Variants in NRG3 observed in about 807,000 individuals in gnomAD.
NRG3 encodes neuregulin 3.
Under a neutral mutation model 66.9 loss-of-function variants are expected in NRG3, and 31 were observed. The observed-to-expected ratio is 0.46, with a 90% CI of 0.35 to 0.63. NRG3 has a LOEUF of 0.63. Among genes scored for constraint, NRG3 ranks in the 20% least tolerant of loss-of-function variants. The pLI, the probability that NRG3 is intolerant of heterozygous loss-of-function variation, is 0.00. For missense variants in NRG3, 910 were observed against 878.9 expected, an observed-to-expected ratio of 1.04 and a Z score of -0.45; for synonymous variants, 393 against 359.4, an observed-to-expected ratio of 1.09 and a Z score of -1.06.
chr10:82,243,632 G>A (rs1431358050), intron 1 of NRG3, among the ~76,000 whole-genome samples: 1 of 152,082 alleles, frequency 6.6e-6, no homozygotes, highest in East Asian at 1.9e-4. Context: ...TATTCTGAAG[G>A]AAAATAACTA....
chr10:82,057,080 G>A (rs1362739736), intron 1 of NRG3, among the ~76,000 whole-genome samples: 1 of 151,838 alleles, frequency 6.6e-6, no homozygotes, highest in Non-Finnish European at 1.5e-5. Flanking sequence ...ACTGCTTGTT[G>A]GATCTTTCCA....
intron 1 of NRG3, among the ~76,000 whole-genome samples, chr10:81,908,400 C>T (rs1844798923): frequency 6.6e-6 from 1 of 152,086 alleles, no homozygotes; most frequent in Admixed American, 6.6e-5. Flanking sequence ...AATGTCTATA[C>T]CTTTCATATA....
At chr10:82,315,847 G>A (rs1410223556) in intron 1 of NRG3, among the ~76,000 whole-genome samples, 7 of 151,926 alleles carry the variant, frequency 4.6e-5, no homozygotes, top group East Asian at 1.9e-4. Flanking sequence ...TATATTTTTA[G>A]TAGAGACAGG....
chr10:82,259,966 A>T (rs2077937533), intron 1 of NRG3, among the ~76,000 whole-genome samples: 1 of 152,118 alleles, frequency 6.6e-6, no homozygotes, highest in African/African-American at 2.4e-5. Flanking sequence ...ATAAACAAAT[A>T]AATAAATAGA....
At chr10:82,584,748 T>C (rs659613) in intron 2 of NRG3, among the ~76,000 whole-genome samples, 13,504 of 152,238 alleles carry the variant, frequency 0.089, 656 homozygotes, top group East Asian at 0.15. Context: ...AAAATGAGAA[T>C]GCAGATATAA....
intron 2 of NRG3, among the ~76,000 whole-genome samples, chr10:82,609,587 T>TA (rs2048179096): frequency 6.8e-6 from 1 of 146,826 alleles, no homozygotes. Context: ...GATTATATTT[T>TA]CCAAAAAAAA....
intron 1 of NRG3, among the ~76,000 whole-genome samples, chr10:81,961,612 C>A (rs543385154): frequency 3.9e-5 from 6 of 152,212 alleles, no homozygotes; most frequent in Non-Finnish European, 7.3e-5. Context: ...TAACACTTTT[C>A]CCATCCTGTG....
At chr10:81,990,709 A>G (rs1221627011) in intron 1 of NRG3, among the ~76,000 whole-genome samples, 1 of 152,192 alleles carries the variant, frequency 6.6e-6, no homozygotes, top group African/African-American at 2.4e-5. Flanking sequence ...GACTTATAGC[A>G]GCCATATAAA....
intron 1 of NRG3, among the ~76,000 whole-genome samples, chr10:81,945,702 A>C (rs1258160387): frequency 6.6e-6 from 1 of 152,148 alleles, no homozygotes; most frequent in Non-Finnish European, 1.5e-5. Context: ...ACTAACTCCC[A>C]GCACCTCAGA....
At chr10:81,876,227 C>T (rs1007889508) in intron 1 of NRG3, 64 bp downstream of exon 1, 21 of 1,499,670 alleles carry the variant, frequency 1.4e-5, no homozygotes, top group Non-Finnish European at 1.9e-5. Context: ...CTCCTGCTGT[C>T]TTTTTCCCTC....
At chr10:82,489,398 C>T (rs892990563) in intron 2 of NRG3, among the ~76,000 whole-genome samples, 1 of 152,122 alleles carries the variant, frequency 6.6e-6, no homozygotes, top group Non-Finnish European at 1.5e-5. Flanking sequence ...TTCTCTATGG[C>T]TGGTATTGCA....
At chr10:82,962,599 G>A (rs1043109480) in intron 6 of NRG3, among the ~76,000 whole-genome samples, 3 of 152,148 alleles carry the variant, frequency 2.0e-5, no homozygotes, top group Non-Finnish European at 4.4e-5. Flanking sequence ...AGCACTTTGG[G>A]AGGCCAAAGC....
chr10:82,502,937 T>C (rs754744198), intron 2 of NRG3, among the ~76,000 whole-genome samples: 1 of 152,190 alleles, frequency 6.6e-6, no homozygotes, highest in African/African-American at 2.4e-5. Flanking sequence ...TTATTCTGTT[T>C]CTGGATTTGC....
At chr10:82,663,212 C>T (rs2052503397) in intron 2 of NRG3, among the ~76,000 whole-genome samples, 1 of 152,214 alleles carries the variant, frequency 6.6e-6, no homozygotes, top group Admixed American at 6.5e-5. Context: ...TCAATGGCAA[C>T]TGACAGTTTT....
At chr10:82,750,006 C>T (rs900112859) in intron 3 of NRG3, among the ~76,000 whole-genome samples, 3 of 152,174 alleles carry the variant, frequency 2.0e-5, no homozygotes, top group Non-Finnish European at 4.4e-5. Flanking sequence ...TGTCACTAGA[C>T]AGACACAACC....
chr10:82,920,221 G>A (rs889474125), intron 4 of NRG3, among the ~76,000 whole-genome samples: 3 of 151,210 alleles, frequency 2.0e-5, no homozygotes, highest in Admixed American at 1.3e-4. Flanking sequence ...AGTTGATAAA[G>A]TACTTATTTT....
At chr10:82,749,966 A>C (rs1466576028) in intron 3 of NRG3, among the ~76,000 whole-genome samples, 3 of 152,138 alleles carry the variant, frequency 2.0e-5, no homozygotes, top group African/African-American at 7.2e-5. Context: ...ACTTTGGATA[A>C]ATTTCAATCA....
chr10:82,078,511 C>T (rs1056804984), intron 1 of NRG3, among the ~76,000 whole-genome samples: 8 of 152,096 alleles, frequency 5.3e-5, no homozygotes, highest in South Asian at 2.1e-4. Flanking sequence ...CCACCACACC[C>T]GGCTAATTTT....
At chr10:82,953,802 A>T (rs1043775949) in intron 5 of NRG3, among the ~76,000 whole-genome samples, 1 of 151,840 alleles carries the variant, frequency 6.6e-6, no homozygotes, top group Non-Finnish European at 1.5e-5. Context: ...TACTAAAAAT[A>T]CAAAAATGAG....
Sources: gnomAD v4.1 joint callset for allele counts (sites outside exome capture counted in the v4.1 genomes callset) on GRCh38, gnomAD v4.1.1 for gene constraint, MANE v1.5 for transcripts, NCBI Gene and HGNC (gene_info 2026-07-23, HGNC 2026-07-21) for gene names.